The following TMOD2 variants were observed in gnomAD, a reference collection of about 807,000 sequenced individuals.
The protein encoded by TMOD2 is tropomodulin 2.
Under a neutral mutation model 39.9 loss-of-function variants are expected in TMOD2, and 22 were observed. The ratio of observed to expected loss-of-function variants is 0.55; its 90% confidence interval spans 0.39 to 0.79. TMOD2 has a LOEUF of 0.79. Among genes scored for constraint, TMOD2 ranks in the 30% least tolerant of loss-of-function variants. TMOD2 has a pLI of 0.00. For synonymous variants in TMOD2, 123 were observed against 146.1 expected, an observed-to-expected ratio of 0.84 and a Z score of 1.14; for missense variants, 386 against 413.3, an observed-to-expected ratio of 0.93 and a Z score of 0.57.
chr15:51,807,401 C>T (rs923461356), intron 9 of TMOD2, among the ~76,000 whole-genome samples: 1 of 152,196 alleles, frequency 6.6e-6, no homozygotes, highest in Non-Finnish European at 1.5e-5. Flanking sequence ...TCCAGACAGG[C>T]TTTGCCAAGA....
chr15:51,788,108 C>T (rs2055983464), intron 7 of TMOD2, among the ~76,000 whole-genome samples: 1 of 152,098 alleles, frequency 6.6e-6, no homozygotes, highest in African/African-American at 2.4e-5. Context: ...AAAGGTTAGA[C>T]GAATGGCTAA....
At chr15:51,782,529 C>T (rs989334841) in intron 6 of TMOD2, among the ~76,000 whole-genome samples, 192 bp from the exon 7 acceptor site, 2 of 152,132 alleles carry the variant, frequency 1.3e-5, no homozygotes, top group African/African-American at 4.8e-5. Flanking sequence ...GTTTAGATTC[C>T]CCTATTGGAC....
intron 9 of TMOD2, among the ~76,000 whole-genome samples, chr15:51,807,017 G>C (rs184585026): frequency 2.0e-5 from 3 of 152,160 alleles, no homozygotes; most frequent in African/African-American, 7.2e-5. Context: ...TCAGTTTTTC[G>C]TGTGGCCACT....
In TMOD2 at chr15:51,798,265, T is replaced by C; in HGVS notation, c.801T>C (p.Thr267=). The C allele has an allele frequency of 1.2e-6, 2 of 1,613,952 alleles. No homozygotes were observed. The highest frequency in any genetic ancestry group is 2.2e-5 in the South Asian group (2 of 91,042). Reference sequence around the variant, plus strand: ...TAAACATAGAATCCAATTTTATCACTGGAACTGGGATCCTGGCCCTGGTAG... The same window carrying C: ...TAAACATAGAATCCAATTTTATCACCGGAACTGGGATCCTGGCCCTGGTAG... ...TSLNIESNFI[T]GTGILALVEA... is the part of the protein sequence containing the mutation. Residue 267 remains threonine, a synonymous_variant, in exon 8 of 10, where the codon ACT becomes ACC. Transcript: ENST00000249700.
At chr15:51,781,547 T>A (rs1276237615) in intron 6 of TMOD2, among the ~76,000 whole-genome samples, 1 of 152,200 alleles carries the variant, frequency 6.6e-6, no homozygotes, top group Non-Finnish European at 1.5e-5. Flanking sequence ...GGTAGTGAAG[T>A]TGTCATCCAG....
intron 7 of TMOD2, among the ~76,000 whole-genome samples, chr15:51,796,945 G>A (rs893054213): frequency 6.6e-6 from 1 of 152,218 alleles, no homozygotes; most frequent in Non-Finnish European, 1.5e-5. Context: ...AAAGCAGACA[G>A]TGTCATTGGT....
intron 7 of TMOD2, among the ~76,000 whole-genome samples, chr15:51,797,714 A>G (rs2056060703): frequency 6.6e-6 from 1 of 152,152 alleles, no homozygotes; most frequent in Non-Finnish European, 1.5e-5. Flanking sequence ...TATTTTTTAA[A>G]AATTCTGATT....
chr15:51,801,797 T>G (rs1372481958), intron 8 of TMOD2, among the ~76,000 whole-genome samples: 2 of 152,146 alleles, frequency 1.3e-5, no homozygotes, highest in African/African-American at 4.8e-5. Flanking sequence ...TCCCCCTTTG[T>G]GTTTGGTGAC....
Position 51,773,737 on chromosome 15 carries a change from G to A in TMOD2, c.309G>A (p.Lys103=), listed in dbSNP as rs750775205. The A allele has an allele frequency of 1.9e-6, 3 of 1,611,822 alleles. No individual in the cohort carries two copies. The highest frequency in any genetic ancestry group is 2.2e-5 in the South Asian group (2 of 90,736). Residue 103 remains lysine, a synonymous_variant, in exon 4 of 10, where the codon AAG becomes AAA. Coordinates refer to ENST00000249700, the MANE Select transcript of TMOD2 (RefSeq NM_014548.4). ...GGAGAGTCTTTATCCCTAAAGAAAA[G>A]CCTATAGAAACTCGTAAAGAAGAAA... The part of the protein sequence containing the change: ...KKGRVFIPKE[K]PIETRKEEKV...
chr15:51,792,005 A>G lies in TMOD2; in HGVS notation c.733-6192A>G, dbSNP rs552693070. ...GGCAACGCAACAAAAGCCAAAATTG[A>G]CAAGTGGGATCTAATTAAACTGAAG... On this transcript the variant is annotated intron_variant, in intron 7 of 9. Transcript: ENST00000249700. Among the ~76,000 whole-genome samples, 6 of 152,368 alleles carry G rather than the reference A, an allele frequency of 3.9e-5. No homozygotes were observed. The East Asian group carries it at 1.2e-3, about 29-fold the overall frequency.
intron 5 of TMOD2, among the ~76,000 whole-genome samples, chr15:51,778,410 A>G (rs943532025): frequency 1.3e-4 from 20 of 150,896 alleles, no homozygotes; most frequent in Non-Finnish European, 7.4e-5. Flanking sequence ...TGGGTGCAGC[A>G]CACCAGCATG....
chr15:51,808,579 T>G lies in TMOD2; in HGVS notation c.*125T>G. 1.7e-6 allele frequency: 1 copy of G among 601,456 alleles called. No homozygotes were observed. The highest frequency in any genetic ancestry group is 2.8e-6 in the Non-Finnish European group (1 of 358,866). The allele number at this position is 601,456 out of a possible 1,614,324, so 37.3% of individuals were successfully genotyped here. Reference sequence around the variant, plus strand: ...TTTCCGTTAACCACATAACTAATAATTTAATTGTTATTCTTTTTTAGCACT... The same window carrying G: ...TTTCCGTTAACCACATAACTAATAAGTTAATTGTTATTCTTTTTTAGCACT... On this transcript the variant is annotated 3_prime_UTR_variant, in exon 10 of 10. Transcript: ENST00000249700.
At chr15:51,758,799 T>A (rs2055759777) in intron 1 of TMOD2, among the ~76,000 whole-genome samples, 1 of 151,792 alleles carries the variant, frequency 6.6e-6, no homozygotes, top group South Asian at 2.1e-4. Context: ...GACCAGGGGA[T>A]GAGTAGGATA....
intron 8 of TMOD2, among the ~76,000 whole-genome samples, chr15:51,805,676 G>A (rs1230720285): frequency 6.6e-6 from 1 of 152,230 alleles, no homozygotes; most frequent in Non-Finnish European, 1.5e-5. Flanking sequence ...ATAAATGCTT[G>A]AAGTGATGGA....
At position 51,781,062 on chromosome 15, in the gene TMOD2, AAGTAAAGCC is replaced by A; in HGVS notation, c.517_525del (p.Lys173_Val175del). The A allele has an allele frequency of 6.2e-7, 1 of 1,602,692 alleles. No individual in the cohort carries two copies. Among genetic ancestry groups the A allele is most frequent in the East Asian group, 2.2e-5 (1 of 44,784 alleles). ...GTTTTAGATGTTGTCAAAGGTGAAA[AAGTAAAGCC>A]AGTATTTGAGGAACCACCAAATCCC... On this transcript the variant is annotated inframe_deletion, in exon 6 of 10. Coordinates refer to ENST00000249700, the MANE Select transcript of TMOD2 (RefSeq NM_014548.4).
At chr15:51,806,046 T>C (rs2056119441) in intron 8 of TMOD2, among the ~76,000 whole-genome samples, 1 of 152,246 alleles carries the variant, frequency 6.6e-6, no homozygotes, top group Non-Finnish European at 1.5e-5. Flanking sequence ...AAACCACAGA[T>C]ACTGGGATGA....
At chr15:51,794,184 C>G (rs1468540099) in intron 7 of TMOD2, among the ~76,000 whole-genome samples, 1 of 152,142 alleles carries the variant, frequency 6.6e-6, no homozygotes, top group Non-Finnish European at 1.5e-5. Flanking sequence ...AGAGATACTA[C>G]TAAATATCCT....
intron 7 of TMOD2, among the ~76,000 whole-genome samples, chr15:51,794,269 CCT>C (rs1324047976): frequency 2.6e-5 from 4 of 152,190 alleles, no homozygotes; most frequent in African/African-American, 9.7e-5. Flanking sequence ...GTTAAATAAC[CCT>C]GTTCTCATCC....
At chr15:51,807,136 C>T (rs1467357752) in intron 9 of TMOD2, among the ~76,000 whole-genome samples, 1 of 152,184 alleles carries the variant, frequency 6.6e-6, no homozygotes, top group Non-Finnish European at 1.5e-5. Flanking sequence ...GAGGATATCC[C>T]AGCCACCTGG....
Sources: gnomAD v4.1 joint callset for allele counts (sites outside exome capture counted in the v4.1 genomes callset) on GRCh38, gnomAD v4.1.1 for gene constraint, MANE v1.5 for transcripts, NCBI Gene and HGNC (gene_info 2026-07-23, HGNC 2026-07-21) for gene names.